The following CCDC61 variants were observed in gnomAD, a reference collection of about 807,000 sequenced individuals.
The protein encoded by CCDC61 is coiled-coil domain containing 61, also known as centrosomal protein CCDC61.
CCDC61 carries 55 observed loss-of-function variants against 63.0 expected under a neutral mutation model. That is an observed-to-expected ratio of 0.87 (90% CI 0.70 to 1.09). CCDC61 has a LOEUF of 1.09. Ranked by LOEUF, CCDC61 falls within the 50% of genes least tolerant of loss-of-function variation. CCDC61 has a pLI of 0.00. For missense variants in CCDC61, 651 were observed against 731.4 expected (o/e 0.89, Z 1.27); for synonymous variants, 270 against 317.0 (o/e 0.85, Z 1.58).
At position 46,003,183 on chromosome 19, in the gene CCDC61, G is replaced by T. The variant is rs1338545188; in HGVS notation, c.148+17G>T. 1 of 1,595,304 alleles carries T rather than the reference G, an allele frequency of 6.3e-7. No homozygotes were observed. Among genetic ancestry groups the T allele is most frequent in the Non-Finnish European group, 8.6e-7 (1 of 1,168,668 alleles). Reference sequence around the variant, plus strand: ...ATGCTGGCTGTGAGTGTGCCTGCCTGGGGTGGGCTCACCTTTCCTCTCCTG... The same window carrying T: ...ATGCTGGCTGTGAGTGTGCCTGCCTTGGGTGGGCTCACCTTTCCTCTCCTG... On this transcript the variant is annotated intron_variant, in intron 2 of 13. Transcript: ENST00000595358.
intron 3 of CCDC61, among the ~76,000 whole-genome samples, chr19:46,003,819 ACGTG>A (rs1396919621): frequency 5.4e-5 from 6 of 110,570 alleles, no homozygotes; most frequent in African/African-American, 2.2e-4. Context: ...GTTTCCAAAT[ACGTG>A]TGTGTGTGTG....
intron 5 of CCDC61, among the ~76,000 whole-genome samples, chr19:46,011,141 TG>T (rs139892563): frequency 0.035 from 5,273 of 151,912 alleles, 297 homozygotes; most frequent in African/African-American, 0.12. Context: ...CCTTACCTCC[TG>T]GGCTCAAGCG....
chr19:46,018,055 T>C lies in CCDC61; in HGVS notation c.1369-23T>C. The C allele has an allele frequency of 6.3e-7, 1 of 1,596,370 alleles. No homozygotes were observed. Among genetic ancestry groups the C allele is most frequent in the East Asian group, 2.3e-5 (1 of 43,876 alleles). ...AATAGAGGGACGGTGGGTGACCCCC[T>C]TTCCTACCTTCCCCATCACCAGAAG... On this transcript the variant is annotated intron_variant, in intron 12 of 13. Transcript: ENST00000595358. The surrounding 1 kb of genome is among the most constrained non-coding windows in gnomAD (Gnocchi z 4.2).
chr19:46,013,699 T>C (rs1292919984), intron 5 of CCDC61, among the ~76,000 whole-genome samples: 1 of 151,784 alleles, frequency 6.6e-6, no homozygotes, highest in Non-Finnish European at 1.5e-5. Context: ...AAACCCCGTC[T>C]CTACTAAACA....
chr19:46,011,296 T>C (rs937852754), intron 5 of CCDC61, among the ~76,000 whole-genome samples: 1 of 152,128 alleles, frequency 6.6e-6, no homozygotes, highest in African/African-American at 2.4e-5. Flanking sequence ...GCCATCCACC[T>C]GCCTTGGCCC....
chr19:46,012,479 C>G (rs1239134740), intron 5 of CCDC61, among the ~76,000 whole-genome samples: 5 of 152,124 alleles, frequency 3.3e-5, no homozygotes, highest in Non-Finnish European at 7.3e-5. Context: ...AACCCTGTCT[C>G]TACTAAAAAT....
rs972178462 is a variant in CCDC61, at chr19:45,998,847, C to T, written c.-12+3343C>T. 5.9e-5 allele frequency among the ~76,000 whole-genome samples: 9 copies of T among 152,146 alleles called. No individual in the cohort carries two copies. The South Asian group carries it at 1.9e-3, about 32-fold the overall frequency. On this transcript the variant is annotated intron_variant, in intron 1 of 13. Coordinates refer to ENST00000595358, the MANE Select transcript of CCDC61 (RefSeq NM_001267723.2). ...GCCCAGAGAGGGCAAGTACTTTGCCCAAGGACACACCAAGGAGAAAGGCAG... is the reference window on the plus strand; with the variant it reads ...GCCCAGAGAGGGCAAGTACTTTGCCTAAGGACACACCAAGGAGAAAGGCAG...
At position 46,015,427 on chromosome 19, in the gene CCDC61, G is replaced by C. The variant is rs778841882; in HGVS notation, c.845G>C (p.Gly282Ala). 1 of 1,598,636 alleles carries C rather than the reference G, an allele frequency of 6.3e-7. No homozygotes were observed. The highest frequency in any genetic ancestry group is 8.5e-7 in the Non-Finnish European group (1 of 1,177,466). ...LTSELALYKR[G>A]RRTPPVQPPP... ...AGCGAGCTGGCATTGTACAAGAGGGGGTGAGAGCGAGGCCTGCCAGGCGCC... is the reference window on the plus strand; with the variant it reads ...AGCGAGCTGGCATTGTACAAGAGGGCGTGAGAGCGAGGCCTGCCAGGCGCC... The change falls in exon 7 of 14, where the codon GGG becomes GCG. Residue 282 changes from glycine to alanine, a missense_variant and splice_region_variant. Physicochemically the swap from Gly to Ala is moderately conservative, Grantham distance 60 (BLOSUM62 0). Transcript: ENST00000595358. The surrounding 1 kb of genome is among the most constrained non-coding windows in gnomAD (Gnocchi z 5.3).
At position 46,016,631 on chromosome 19, in the gene CCDC61, C is replaced by G; in HGVS notation, c.1092-63C>G. On this transcript the variant is annotated intron_variant, in intron 9 of 13. Transcript: ENST00000595358. The surrounding 1 kb of genome is among the most constrained non-coding windows in gnomAD (Gnocchi z 7.2). Reference sequence around the variant, plus strand: ...GGCGTGGCTGTGACCTTTAGGGGCGCAGTGACCCCCTTGCCTGCAGGAGTT... The same window carrying G: ...GGCGTGGCTGTGACCTTTAGGGGCGGAGTGACCCCCTTGCCTGCAGGAGTT... 6.3e-7 allele frequency: 1 copy of G among 1,592,834 alleles called. No homozygotes were observed. Among genetic ancestry groups the G allele is most frequent in the Non-Finnish European group, 8.5e-7 (1 of 1,169,988 alleles).
intron 1 of CCDC61, among the ~76,000 whole-genome samples, chr19:45,997,944 C>T (rs528844936): frequency 6.6e-6 from 1 of 152,208 alleles, no homozygotes; most frequent in Non-Finnish European, 1.5e-5. Context: ...ACCTCAGCCT[C>T]CCAAAGTGCT....
At chr19:46,011,132 C>T (rs550125433) in intron 5 of CCDC61, among the ~76,000 whole-genome samples, 9 of 150,714 alleles carry the variant, frequency 6.0e-5, no homozygotes, top group African/African-American at 2.2e-4. Context: ...TCGCTGTGTC[C>T]TTACCTCCTG....
At chr19:46,011,527 C>T (rs890545284) in intron 5 of CCDC61, among the ~76,000 whole-genome samples, 6 of 152,148 alleles carry the variant, frequency 3.9e-5, no homozygotes, top group African/African-American at 1.2e-4. Context: ...CTGATTATAT[C>T]GCCATGGTGT....
At position 46,006,702 on chromosome 19, in the gene CCDC61, C is replaced by T. The variant is rs753507706; in HGVS notation, c.375C>T (p.Ser125=). 13 of 1,607,218 alleles carry T rather than the reference C, an allele frequency of 8.1e-6. No individual in the cohort carries two copies. The highest frequency in any genetic ancestry group is 1.7e-5 in the Admixed American group (1 of 59,696). ...AGCGCTACCTGATCCTCATCTACTC[C>T]GTGGAGTTTGACAGGTGGGGAGAAG... ...NSKRYLILIY[S]VEFDRIHYPL... Residue 125 remains serine (S), a synonymous_variant, in exon 4 of 14, where the codon TCC becomes TCT. Coordinates refer to ENST00000595358, the MANE Select transcript of CCDC61 (RefSeq NM_001267723.2).
At chr19:46,008,335 T>TGGGGGGGGG in intron 5 of CCDC61, 34 bp downstream of exon 5, 3 of 499,168 alleles carry the variant, frequency 6.0e-6, no homozygotes, top group Non-Finnish European at 1.2e-5. Context: ...CTGGGGCGGG[T>TGGGGGGGGG]GGGGGCCCTC....
chr19:46,012,507 C>G (rs1219476399), intron 5 of CCDC61, among the ~76,000 whole-genome samples: 7 of 152,076 alleles, frequency 4.6e-5, no homozygotes, highest in Admixed American at 3.3e-4. Context: ...TTTAGCTGGG[C>G]AGGGTGGCGC....
intron 1 of CCDC61, among the ~76,000 whole-genome samples, chr19:45,995,896 TG>T (rs958364809): frequency 4.6e-5 from 7 of 152,048 alleles, no homozygotes; most frequent in African/African-American, 1.7e-4. Context: ...GAAGCAATAT[TG>T]AGGAAGGGAG....
chr19:46,008,751 G>A (rs75305031), intron 5 of CCDC61, among the ~76,000 whole-genome samples: 15,033 of 152,158 alleles, frequency 0.099, 840 homozygotes, highest in South Asian at 0.18. Context: ...TGGTGCTGGG[G>A]ACATAGTGGT....
Position 46,008,064 on chromosome 19 carries a change from C to T in CCDC61, c.390-76C>T. 4 of 1,438,316 alleles carry T rather than the reference C, an allele frequency of 2.8e-6. No individual in the cohort carries two copies. In the East Asian group the frequency reaches 7.4e-5, roughly 27 times the overall value. 89.1% of individuals were successfully genotyped at this position (1,438,316 alleles called of 1,614,324 possible). On this transcript the variant is annotated intron_variant, in intron 4 of 13. Coordinates refer to ENST00000595358, the MANE Select transcript of CCDC61 (RefSeq NM_001267723.2). ...AATTGTGTGTTTTCGTACTCTGTGG[C>T]TCTCAGAGGCTGCTGTTTACCCTCA...
chr19:46,018,154 A>T lies in CCDC61; in HGVS notation c.1441+4A>T. The T allele has an allele frequency of 6.2e-7, 1 of 1,603,058 alleles. No homozygotes were observed. The highest frequency in any genetic ancestry group is 8.5e-7 in the Non-Finnish European group (1 of 1,175,180). ...GGGGGCTGGGTCCCCATCAAAGGTG[A>T]GCCTGGGACTCCACATCCCCTCTCC... On this transcript the variant is annotated splice_donor_region_variant and intron_variant, in intron 13 of 13. Coordinates refer to ENST00000595358, the MANE Select transcript of CCDC61 (RefSeq NM_001267723.2). This position sits in a 1 kb window ranked among gnomAD's most constrained non-coding sequence, Gnocchi z 4.2.
Sources: gnomAD v4.1 joint callset for allele counts (sites outside exome capture counted in the v4.1 genomes callset) on GRCh38, gnomAD v4.1.1 for gene constraint, Gnocchi (gnomAD v3.1) non-coding constraint, MANE v1.5 for transcripts, NCBI Gene and HGNC (gene_info 2026-07-23, HGNC 2026-07-21) for gene names.